Variants in SRPK1 observed in about 807,000 individuals in gnomAD.
SRPK1 encodes the protein SFRS protein kinase 1.
In SRPK1, 52 loss-of-function variants were observed where a neutral mutation model predicts 89.5. The observed-to-expected ratio is 0.58, with a 90% CI of 0.46 to 0.73. The LOEUF is 0.73. Ranked by LOEUF, SRPK1 falls within the 30% of genes least tolerant of loss-of-function variation. The pLI is 0.00. For synonymous variants in SRPK1, 255 were observed against 270.2 expected (o/e 0.94, Z 0.55); for missense variants, 603 against 780.6 (o/e 0.77, Z 2.71).
At chr6:35,853,961 G>GT (rs948538955) in intron 13 of SRPK1, among the ~76,000 whole-genome samples, 19 of 126,628 alleles carry the variant, frequency 1.5e-4, no homozygotes, top group South Asian at 2.5e-4. Context: ...CCTTTTTTTT[G>GT]TTTTTTTGAA....
In SRPK1 at chr6:35,892,143, A is replaced by T. The variant is rs77643723; in HGVS notation, c.75-1130T>A. 1.1e-3 allele frequency among the ~76,000 whole-genome samples: 161 copies of T among 152,342 alleles called. 1 individual carries two copies. The East Asian group carries it at 0.029, about 28-fold the overall frequency. ...AGCCACACATGGGCTTTTGGTATTT[A>T]AGTACTACCTCATTCTGAAAACTTA... is the stretch of plus-strand genomic sequence containing the variant. On this transcript the variant is annotated intron_variant, in intron 2 of 15. Coordinates refer to ENST00000373825, the MANE Select transcript of SRPK1 (RefSeq NM_003137.5).
chr6:35,868,014 C>T (rs572152199), intron 12 of SRPK1, among the ~76,000 whole-genome samples: 1 of 151,922 alleles, frequency 6.6e-6, no homozygotes, highest in African/African-American at 2.4e-5. Context: ...CTCTTGCTGC[C>T]CAGGCTGGAG....
rs543896271 is a variant in SRPK1 at position 35,914,804 on chromosome 6, C to CT, written c.74+5663dup. Among the ~76,000 whole-genome samples, 797 of 144,592 alleles carry CT rather than the reference C, an allele frequency of 5.5e-3. 7 individuals carry two copies. Among genetic ancestry groups the CT allele is most frequent in the South Asian group, 0.029 (133 of 4,546 alleles). The allele number at this position is 144,592 out of a possible 152,430, so 94.9% of individuals were successfully genotyped here. A position where few individuals can be genotyped will look rare whatever the true frequency, so the allele number is the denominator to read the frequency against. On this transcript the variant is annotated intron_variant, in intron 2 of 15. Transcript: ENST00000373825. ...GAATAAGAGTTAAACTAGTTAAATC[C>CT]TTTTTTTTTTTTGAAACGGAACTTT...
intron 13 of SRPK1, among the ~76,000 whole-genome samples, chr6:35,846,666 T>C (rs1280045074): frequency 3.3e-5 from 5 of 151,934 alleles, no homozygotes; most frequent in Non-Finnish European, 7.4e-5. Context: ...CACAATCATA[T>C]GGCAACAGAT....
At chr6:35,891,205 TAATA>T (rs762481809) in intron 2 of SRPK1, among the ~76,000 whole-genome samples, 192 bp from the exon 3 acceptor site, 34 of 152,164 alleles carry the variant, frequency 2.2e-4, no homozygotes, top group Non-Finnish European at 4.4e-4. Context: ...CTTCAGTACA[TAATA>T]AATAAAATCT....
At chr6:35,895,435 T>TTGTGTGTGTGTG (rs10566123) in intron 2 of SRPK1, among the ~76,000 whole-genome samples, 8 of 147,968 alleles carry the variant, frequency 5.4e-5, no homozygotes, top group African/African-American at 1.7e-4. Context: ...AGGCATATGC[T>TTGTGTGTGTGTG]TGTGTGTGTG....
chr6:35,880,747 A>AAAG (rs1770265703), intron 6 of SRPK1, among the ~76,000 whole-genome samples: 1 of 75,382 alleles, frequency 1.3e-5, no homozygotes, highest in Non-Finnish European at 3.0e-5. Context: ...AAAAAAAAAA[A>AAAG]AAAGAAAAGA....
At chr6:35,904,900 A>G (rs1228797666) in intron 2 of SRPK1, 1 of 393,628 alleles carries the variant, frequency 2.5e-6, no homozygotes, top group South Asian at 1.8e-5. Flanking sequence ...GTAATTTGGG[A>G]GGCCAAGGTG....
intron 2 of SRPK1, among the ~76,000 whole-genome samples, chr6:35,913,239 C>T (rs1215970202): frequency 1.3e-5 from 2 of 152,126 alleles, no homozygotes; most frequent in Non-Finnish European, 2.9e-5. Context: ...ACCAATGAAA[C>T]TACAGAGGAA....
chr6:35,892,119 G>A lies in SRPK1; in HGVS notation c.75-1106C>T, dbSNP rs559283410. 2.6e-5 allele frequency among the ~76,000 whole-genome samples: 4 copies of A among 152,302 alleles called. No individual in the cohort carries two copies. The East Asian group carries it at 5.8e-4, about 22-fold the overall frequency. On this transcript the variant is annotated intron_variant, in intron 2 of 15. Transcript: ENST00000373825. ...GTTGTACTAAGTTACATCCCCACCA[G>A]CCACACATGGGCTTTTGGTATTTAA...
chr6:35,891,918 A>G (rs896732845), intron 2 of SRPK1, among the ~76,000 whole-genome samples: 2 of 152,326 alleles, frequency 1.3e-5, no homozygotes, highest in African/African-American at 4.8e-5. Flanking sequence ...AGTAGGGGTT[A>G]AAACATTCCT....
chr6:35,878,653 G>C lies in SRPK1; in HGVS notation c.479-4314C>G, dbSNP rs755477250. 2.6e-5 allele frequency among the ~76,000 whole-genome samples: 4 copies of C among 152,152 alleles called. No homozygotes were observed. In the South Asian group the frequency reaches 6.2e-4, roughly 24 times the overall value. On this transcript the variant is annotated intron_variant, in intron 6 of 15. Transcript: ENST00000373825. ...GGATCCTGCCCCAAGTATCAGAGTC[G>C]GGTGGCCATTTTTGTAACCCCCCTC...
At chr6:35,877,989 T>G (rs570637739) in intron 6 of SRPK1, among the ~76,000 whole-genome samples, 3 of 152,162 alleles carry the variant, frequency 2.0e-5, no homozygotes, top group African/African-American at 7.2e-5. Context: ...ACAGAATTAG[T>G]CCAAAATAAA....
chr6:35,873,660 T>C (rs1319394609), intron 7 of SRPK1, among the ~76,000 whole-genome samples: 3 of 151,088 alleles, frequency 2.0e-5, no homozygotes, highest in Non-Finnish European at 4.4e-5. Context: ...CGGCTAATTT[T>C]TGTATTTTTA....
chr6:35,871,726 A>C (rs1370926254), intron 8 of SRPK1, among the ~76,000 whole-genome samples: 1 of 152,192 alleles, frequency 6.6e-6, no homozygotes, highest in Non-Finnish European at 1.5e-5. Flanking sequence ...AAAATCATAA[A>C]GCAGCCTTTA....
intron 14 of SRPK1, among the ~76,000 whole-genome samples, chr6:35,840,118 G>C (rs1324851361): frequency 6.6e-6 from 1 of 151,968 alleles, no homozygotes; most frequent in Non-Finnish European, 1.5e-5. Context: ...TAATACTCCT[G>C]GCCAGAAAAA....
At chr6:35,853,609 C>T (rs1769603278) in intron 13 of SRPK1, among the ~76,000 whole-genome samples, 1 of 152,134 alleles carries the variant, frequency 6.6e-6, no homozygotes, top group Non-Finnish European at 1.5e-5. Flanking sequence ...CACCCCATGT[C>T]CTAAATATGT....
At chr6:35,920,093 G>A (rs536775345) in intron 2 of SRPK1, 2 of 466,398 alleles carry the variant, frequency 4.3e-6, no homozygotes, top group East Asian at 1.3e-4. Context: ...AAGTTAAGAC[G>A]TTGGGGAGCA....
chr6:35,864,070 T>A (rs1371703087), intron 12 of SRPK1, among the ~76,000 whole-genome samples: 1 of 152,162 alleles, frequency 6.6e-6, no homozygotes, highest in African/African-American at 2.4e-5. Flanking sequence ...AAATCTAAGA[T>A]CTCAAACTTT....
Sources: gnomAD v4.1 joint callset for allele counts (sites outside exome capture counted in the v4.1 genomes callset) on GRCh38, gnomAD v4.1.1 for gene constraint, MANE v1.5 for transcripts, NCBI Gene and HGNC (gene_info 2026-07-23, HGNC 2026-07-21) for gene names.